Variants in SCUBE1 observed in about 807,000 individuals in gnomAD.
The protein encoded by SCUBE1 is signal peptide, CUB and EGF-like domain-containing protein 1.
SCUBE1 carries 59 observed loss-of-function variants against 124.4 expected under a neutral mutation model. The ratio of observed to expected loss-of-function variants is 0.47; its 90% CI spans 0.38 to 0.59. The LOEUF is 0.59. Among genes scored for constraint, SCUBE1 ranks in the 20% least tolerant of loss-of-function variants. SCUBE1 has a pLI of 0.00. For synonymous variants in SCUBE1, 545 were observed against 550.9 expected, an observed-to-expected ratio of 0.99 and a Z score of 0.15; for missense variants, 1,150 against 1,371.2, an observed-to-expected ratio of 0.84 and a Z score of 2.55.
chr22:43,208,194 G>T lies in SCUBE1; in HGVS notation c.2612C>A (p.Thr871Asn), dbSNP rs1270293137. The T allele has an allele frequency of 6.2e-7, 1 of 1,614,094 alleles. No individual in the cohort carries two copies. Among genetic ancestry groups the T allele is most frequent in the South Asian group, 1.1e-5 (1 of 91,082 alleles). ...ASPTSITTYE[T>N]CQTYERPIAF... ...GATGGGCCTCTCGTAGGTCTGGCAG[G>T]TCTCATAGGTGGTGATGGACGTGGG... Residue 871 changes from threonine to asparagine, a missense_variant, in exon 20 of 22, where the codon ACC becomes AAC. Coordinates refer to ENST00000360835, the MANE Select transcript of SCUBE1 (RefSeq NM_173050.5).
At chr22:43,263,577 A>G (rs974963301) in intron 4 of SCUBE1, among the ~76,000 whole-genome samples, 21 of 152,212 alleles carry the variant, frequency 1.4e-4, no homozygotes, top group Admixed American at 9.8e-4. Context: ...CCCGGGACAC[A>G]CCGGCCTCTT....
chr22:43,207,449 G>T, intron 21 of SCUBE1, 85 bp downstream of exon 21: 1 of 1,060,924 alleles, frequency 9.4e-7, no homozygotes, highest in Non-Finnish European at 1.5e-6. Flanking sequence ...TCCTCCAGGG[G>T]CCAGGGCTGG....
chr22:43,197,558 G>A lies in SCUBE1; in HGVS notation c.*6439C>T, dbSNP rs1265702519. On this transcript the variant is annotated 3_prime_UTR_variant, in exon 22 of 22. Transcript: ENST00000360835. Reference sequence around the variant, plus strand: ...GTGGCCTGCGTCTGCTCGGCATGTTGGAGGTTCTGATCTCAGCGGAGTAAG... The same window carrying A: ...GTGGCCTGCGTCTGCTCGGCATGTTAGAGGTTCTGATCTCAGCGGAGTAAG... 1 of 152,242 alleles carries A rather than the reference G, an allele frequency of 6.6e-6. No individual in the cohort carries two copies. The highest frequency in any genetic ancestry group is 2.4e-5 in the African/African-American group (1 of 41,440). The allele number at this position is 152,242 out of a possible 1,614,324, so 9.4% of individuals were successfully genotyped here. A position where few individuals can be genotyped will look rare whatever the true frequency, so the allele number is the denominator to read the frequency against.
chr22:43,287,677 G>C (rs903408752), intron 4 of SCUBE1, among the ~76,000 whole-genome samples: 1 of 152,234 alleles, frequency 6.6e-6, no homozygotes, highest in Non-Finnish European at 1.5e-5. Context: ...GAGCTGGACA[G>C]GCATGAGGAA....
intron 7 of SCUBE1, among the ~76,000 whole-genome samples, chr22:43,237,108 G>T (rs1219544186): frequency 6.0e-5 from 9 of 151,064 alleles, no homozygotes; most frequent in South Asian, 4.2e-4. Flanking sequence ...GTGGTGGGGT[G>T]GGGGGGGTTG....
Position 43,313,167 on chromosome 22 carries a change from C to T in SCUBE1, c.349+6770G>A, listed in dbSNP as rs562817101. 4.6e-5 allele frequency among the ~76,000 whole-genome samples: 7 copies of T among 152,330 alleles called. No individual in the cohort carries two copies. In the South Asian group the frequency reaches 1.5e-3, roughly 32 times the overall value. On this transcript the variant is annotated intron_variant, in intron 3 of 21. Transcript: ENST00000360835. ...GCTCAACCAAAGCTCCCGAATCTCA[C>T]TCAAGTAGGACGGTCTACCCAGCAC... is the stretch of plus-strand genomic sequence containing the variant.
intron 4 of SCUBE1, among the ~76,000 whole-genome samples, chr22:43,273,523 T>C (rs1924371733): frequency 6.6e-6 from 1 of 151,292 alleles, no homozygotes; most frequent in Non-Finnish European, 1.5e-5. Context: ...TTAGAACTTG[T>C]TGTTGCCTAA....
chr22:43,208,597 T>G (rs1921398504), intron 19 of SCUBE1, among the ~76,000 whole-genome samples: 1 of 151,986 alleles, frequency 6.6e-6, no homozygotes, highest in Non-Finnish European at 1.5e-5. Context: ...CTGCACTTGG[T>G]GCAAGGCCAG....
intron 6 of SCUBE1, among the ~76,000 whole-genome samples, chr22:43,242,974 T>A (rs1307268617): frequency 6.6e-6 from 1 of 152,192 alleles, no homozygotes; most frequent in Non-Finnish European, 1.5e-5. Context: ...GCTACATCAT[T>A]TGTGGAACCC....
chr22:43,267,123 C>T (rs958895548), intron 4 of SCUBE1, among the ~76,000 whole-genome samples: 22 of 152,188 alleles, frequency 1.4e-4, no homozygotes, highest in Admixed American at 4.6e-4. Context: ...TTCATTCTGC[C>T]TCGTAGGAAA....
chr22:43,273,484 C>T (rs1388626454), intron 4 of SCUBE1, among the ~76,000 whole-genome samples: 6 of 151,930 alleles, frequency 3.9e-5, no homozygotes, highest in Non-Finnish European at 8.8e-5. Context: ...TTTGCGTCCC[C>T]ATCCCAGCCC....
At position 43,258,376 on chromosome 22, in the gene SCUBE1, AC is replaced by A; in HGVS notation, c.611-42del. ...GTGTACACACGGGTGTATAAACAGA[AC>A]AACAAAAACGGTTAGTTTGCCGGTG... On this transcript the variant is annotated intron_variant, in intron 5 of 21. Coordinates refer to ENST00000360835, the MANE Select transcript of SCUBE1 (RefSeq NM_173050.5). This position sits in a 1 kb window ranked among gnomAD's most constrained non-coding sequence, Gnocchi z 5.0. 1 of 1,444,624 alleles carries A rather than the reference AC, an allele frequency of 6.9e-7. No individual in the cohort carries two copies. Among genetic ancestry groups the A allele is most frequent in the Non-Finnish European group, 9.8e-7 (1 of 1,025,606 alleles). 89.5% of individuals were successfully genotyped at this position (1,444,624 alleles called of 1,614,324 possible).
At chr22:43,271,148 C>T (rs1924277482) in intron 4 of SCUBE1, among the ~76,000 whole-genome samples, 1 of 152,198 alleles carries the variant, frequency 6.6e-6, no homozygotes, top group Admixed American at 6.5e-5. Context: ...AGGAAGCCCT[C>T]CTTGTTTCCA....
chr22:43,311,675 C>T (rs1926175678), intron 3 of SCUBE1, among the ~76,000 whole-genome samples: 1 of 152,010 alleles, frequency 6.6e-6, no homozygotes, highest in Admixed American at 6.6e-5. Context: ...GATCCACCCG[C>T]CTCGGTCTCT....
At chr22:43,218,202 A>G in intron 15 of SCUBE1, 53 bp downstream of exon 15, 2 of 1,567,712 alleles carry the variant, frequency 1.3e-6, no homozygotes, top group Non-Finnish European at 8.8e-7. Context: ...ACCCCGGCTC[A>G]TGTGCAAGGA....
chr22:43,304,191 C>G (rs1482540067), intron 3 of SCUBE1, among the ~76,000 whole-genome samples: 2 of 152,258 alleles, frequency 1.3e-5, no homozygotes, highest in Non-Finnish European at 2.9e-5. Context: ...GACTGACTCT[C>G]CTGCCGTACA....
intron 6 of SCUBE1, among the ~76,000 whole-genome samples, chr22:43,246,886 A>G (rs1363739182): frequency 8.0e-5 from 11 of 136,900 alleles, no homozygotes; most frequent in Non-Finnish European, 1.4e-4. Context: ...GGGGCGGGGC[A>G]GGGAGTAGCT....
In SCUBE1 at chr22:43,251,910, C is replaced by T. The variant is rs188868776; in HGVS notation, c.727+6309G>A. Among the ~76,000 whole-genome samples, 118 of 152,342 alleles carry T rather than the reference C, an allele frequency of 7.7e-4. No individual in the cohort carries two copies. The East Asian group carries it at 0.014, about 18-fold the overall frequency. ...GAGCTGACCAGCGTGGCGCGTAGCA[C>T]CCCATCAGCCTTGCCACAAGCAGGG... On this transcript the variant is annotated intron_variant, in intron 6 of 21. Coordinates refer to ENST00000360835, the MANE Select transcript of SCUBE1 (RefSeq NM_173050.5).
chr22:43,337,391 G>A (rs553566055), intron 2 of SCUBE1, among the ~76,000 whole-genome samples: 193 of 152,346 alleles, frequency 1.3e-3, no homozygotes, highest in African/African-American at 3.6e-3. Context: ...AGATAGGGGG[G>A]TCAACCATGG....
Sources: allele counts gnomAD v4.1 joint callset (sites outside exome capture counted in the v4.1 genomes callset), GRCh38; gene constraint gnomAD v4.1.1; non-coding constraint Gnocchi (gnomAD v3.1); transcripts MANE v1.5; gene names NCBI Gene and HGNC (gene_info 2026-07-23, HGNC 2026-07-21).